The following XKR9 variants were observed in gnomAD, a reference collection of about 807,000 sequenced individuals.
XKR9 encodes XK related 9.
A neutral mutation model predicts 32.0 loss-of-function variants in XKR9; 32 were observed. That is an observed-to-expected ratio of 1.00 (90% confidence interval 0.76 to 1.34). The LOEUF (loss-of-function observed/expected upper bound fraction) is 1.34. XKR9 is among the 40% of genes most tolerant of loss of function. The pLI is 0.00. For missense variants in XKR9, 546 were observed against 429.7 expected, an observed-to-expected ratio of 1.27 and a Z score of -2.39; for synonymous variants, 168 against 143.4, an observed-to-expected ratio of 1.17 and a Z score of -1.22.
the XKR9 span, among the ~76,000 whole-genome samples, chr8:70,989,310 G>C: frequency 6.6e-6 from 1 of 152,140 alleles, no homozygotes; most frequent in Non-Finnish European, 1.5e-5. Flanking sequence ...AGTGTTTGCT[G>C]TTAATAAATC....
intron 3 of XKR9, among the ~76,000 whole-genome samples, chr8:70,687,664 C>T (rs1249204025): frequency 1.3e-5 from 2 of 152,096 alleles, no homozygotes; most frequent in African/African-American, 4.8e-5. Flanking sequence ...GCCACTGTGC[C>T]CAGTCCAGTT....
the XKR9 span, among the ~76,000 whole-genome samples, chr8:70,820,022 G>T: frequency 1.3e-5 from 2 of 152,142 alleles, no homozygotes; most frequent in East Asian, 3.9e-4. Flanking sequence ...ATAGAGTTCA[G>T]AACATGTTAC....
the XKR9 span, among the ~76,000 whole-genome samples, chr8:70,888,651 A>G: frequency 6.6e-6 from 1 of 151,966 alleles, no homozygotes; most frequent in Admixed American, 6.6e-5. Flanking sequence ...ATAGGGGTCT[A>G]CTTTAATTTT....
At chr8:70,815,227 G>C in the XKR9 span, among the ~76,000 whole-genome samples, 2 of 152,036 alleles carry the variant, frequency 1.3e-5, no homozygotes, top group Non-Finnish European at 2.9e-5. Context: ...AGGTAAACTT[G>C]TGTCATGGGG....
intron 3 of XKR9, among the ~76,000 whole-genome samples, chr8:70,697,190 A>G (rs1182549392): frequency 1.3e-5 from 2 of 151,064 alleles, no homozygotes; most frequent in Admixed American, 6.6e-5. Context: ...TCTCCTGCCT[A>G]ATTGCCCTGG....
intron 1 of XKR9, among the ~76,000 whole-genome samples, 152 bp downstream of exon 1, chr8:70,669,690 G>A (rs1461630002): frequency 8.7e-6 from 1 of 114,674 alleles, no homozygotes; most frequent in Admixed American, 1.1e-4. Context: ...TTTTTGAGAC[G>A]AAGTCTCGGT....
the XKR9 span, among the ~76,000 whole-genome samples, chr8:70,840,959 A>G: frequency 6.6e-6 from 1 of 152,208 alleles, no homozygotes; most frequent in African/African-American, 2.4e-5. Flanking sequence ...AAAAATTTTG[A>G]GTCTAAATTC....
At chr8:70,837,116 ACT>A in the XKR9 span, among the ~76,000 whole-genome samples, 1 of 151,910 alleles carries the variant, frequency 6.6e-6, no homozygotes, top group Non-Finnish European at 1.5e-5. Context: ...TCTCAGTTGC[ACT>A]CTGTTATAGT....
intron 3 of XKR9, among the ~76,000 whole-genome samples, chr8:70,701,128 C>T (rs1302347902): frequency 2.6e-5 from 4 of 152,230 alleles, no homozygotes; most frequent in Non-Finnish European, 5.9e-5. Flanking sequence ...TCCCTGACCC[C>T]TTGCACTTCC....
chr8:71,060,605 G>T, the XKR9 span, among the ~76,000 whole-genome samples: 2 of 152,170 alleles, frequency 1.3e-5, no homozygotes, highest in African/African-American at 4.8e-5. Context: ...TGCCTGGACA[G>T]AAATGGCAAT....
At chr8:70,777,645 T>C (rs1807550562) in intron 2 of XKR9, among the ~76,000 whole-genome samples, 1 of 152,088 alleles carries the variant, frequency 6.6e-6, no homozygotes. Context: ...TAATGATTGC[T>C]ATTCTAACTG....
chr8:70,695,992 G>A (rs1035930325), intron 3 of XKR9, among the ~76,000 whole-genome samples: 1 of 151,566 alleles, frequency 6.6e-6, no homozygotes, highest in Admixed American at 6.6e-5. Flanking sequence ...TTTAAGAAGT[G>A]TCTGTTCATG....
the XKR9 span, among the ~76,000 whole-genome samples, chr8:71,024,841 T>A: frequency 2.0e-5 from 3 of 152,206 alleles, no homozygotes; most frequent in East Asian, 5.8e-4. Context: ...ACTTCTCTGC[T>A]GAATTTCAGT....
the XKR9 span, among the ~76,000 whole-genome samples, chr8:70,877,660 T>C: frequency 2.0e-5 from 3 of 152,136 alleles, no homozygotes; most frequent in African/African-American, 7.2e-5. Flanking sequence ...TATGGGACTA[T>C]GTGAAAAGAC....
At chr8:70,881,242 T>C in the XKR9 span, among the ~76,000 whole-genome samples, 1 of 152,080 alleles carries the variant, frequency 6.6e-6, no homozygotes, top group African/African-American at 2.4e-5. Flanking sequence ...CCAAAAGTAA[T>C]GTCAACAAAA....
At chr8:71,064,970 C>T in the XKR9 span, among the ~76,000 whole-genome samples, 1 of 152,154 alleles carries the variant, frequency 6.6e-6, no homozygotes, top group Non-Finnish European at 1.5e-5. Context: ...AAACTTGCCT[C>T]TCAGTAGCTA....
At chr8:70,706,140 T>C (rs1805709329) in intron 3 of XKR9, among the ~76,000 whole-genome samples, 1 of 152,140 alleles carries the variant, frequency 6.6e-6, no homozygotes, top group Admixed American at 6.6e-5. Context: ...AACTGAGACA[T>C]ATATAAAGAC....
rs192563842 is a variant in XKR9 at position 70,765,932 on chromosome 8, T to C, written n.353-23407T>C. On this transcript the variant is annotated intron_variant and non_coding_transcript_variant, in intron 2 of 3. Coordinates refer to the XKR9 transcript ENST00000520273. ...AGATGGTTGTAGATGTGTGGTGTTA[T>C]TTCTGAGGCCTCTGTTCTCTTCCAT... 3.1e-4 allele frequency among the ~76,000 whole-genome samples: 47 copies of C among 152,346 alleles called. No homozygotes were observed. The East Asian group carries it at 8.5e-3, about 27-fold the overall frequency.
the XKR9 span, among the ~76,000 whole-genome samples, chr8:70,839,054 G>C: frequency 2.0e-5 from 3 of 151,984 alleles, no homozygotes; most frequent in Non-Finnish European, 4.4e-5. Flanking sequence ...AATCTTACTG[G>C]TCTATTCTGA....
Sources: gnomAD v4.1 joint callset for allele counts (sites outside exome capture counted in the v4.1 genomes callset) on GRCh38, gnomAD v4.1.1 for gene constraint, MANE v1.5 for transcripts, NCBI Gene and HGNC (gene_info 2026-07-23, HGNC 2026-07-21) for gene names.